Variants in CACNA1E observed in about 807,000 individuals in gnomAD.
CACNA1E encodes the protein voltage-dependent R-type calcium channel subunit alpha-1E.
A neutral mutation model predicts 259.2 loss-of-function variants in CACNA1E; 40 were observed. The observed-to-expected ratio is 0.15, with a 90% CI of 0.12 to 0.20. The LOEUF (loss-of-function observed/expected upper bound fraction) is 0.20, where lower values mean the gene tolerates loss of function less well. Ranked by LOEUF, CACNA1E falls within the 10% of genes least tolerant of loss-of-function variation. The pLI is 1.00. For missense variants in CACNA1E, 1,874 were observed against 3,040.1 expected (o/e 0.62, Z 9.02); for synonymous variants, 1,104 against 1,138.5 (o/e 0.97, Z 0.61).
chr1:181,375,716 G>C (rs1422654120), intron 1 of CACNA1E, among the ~76,000 whole-genome samples: 1 of 152,142 alleles, frequency 6.6e-6, no homozygotes, highest in Non-Finnish European at 1.5e-5. Flanking sequence ...GTAAGCAATG[G>C]CAAGCAATGG....
chr1:181,506,782 G>A lies in CACNA1E; in HGVS notation c.267-3695G>A, dbSNP rs60531235. Among the ~76,000 whole-genome samples, 314 of 152,304 alleles carry A rather than the reference G, an allele frequency of 2.1e-3. 2 individuals carry two copies. Among genetic ancestry groups the A allele is most frequent in the African/African-American group, 6.7e-3 (278 of 41,558 alleles). ...TTGTGCTTTCTTCAGAAAGGGAAGTGGAAAAGAGTTTAAAGAACAGGGCTG... is the reference window on the plus strand; with the variant it reads ...TTGTGCTTTCTTCAGAAAGGGAAGTAGAAAAGAGTTTAAAGAACAGGGCTG... On this transcript the variant is annotated intron_variant, in intron 1 of 47. Transcript: ENST00000367573.
intron 32 of CACNA1E, among the ~76,000 whole-genome samples, chr1:181,761,754 G>A (rs1658600833): frequency 6.6e-6 from 1 of 152,144 alleles, no homozygotes; most frequent in Non-Finnish European, 1.5e-5. Flanking sequence ...GTTTTTAAAG[G>A]AACATAGTCT....
At chr1:181,750,613 A>C in intron 26 of CACNA1E, 126 bp downstream of exon 26, 1 of 842,488 alleles carries the variant, frequency 1.2e-6, no homozygotes, top group Non-Finnish European at 1.9e-6. Context: ...ATTTATATCC[A>C]AGGGATCAAA....
intron 1 of CACNA1E, among the ~76,000 whole-genome samples, chr1:181,356,078 G>A (rs939505269): frequency 2.0e-4 from 30 of 152,106 alleles, no homozygotes; most frequent in African/African-American, 6.7e-4. Flanking sequence ...CCCCTCCCAG[G>A]GTTCACAGCC....
At position 181,796,771 on chromosome 1, in the gene CACNA1E, G is replaced by C. The variant is rs1474095209; in HGVS notation, c.6312G>C (p.Glu2104Asp). 1.2e-6 allele frequency: 2 copies of C among 1,612,948 alleles called. No individual in the cohort carries two copies. The highest frequency in any genetic ancestry group is 2.7e-5 in the African/African-American group (2 of 74,918). ...SPDVSRCNSEERGTQADWESP... is the reference protein window; with the variant it reads ...SPDVSRCNSEDRGTQADWESP... ...ATGTCTCCCGCTGCAATTCAGAAGAGCGAGGGACCCAGGCTGACTGGGAGT... is the reference window on the plus strand; with the variant it reads ...ATGTCTCCCGCTGCAATTCAGAAGACCGAGGGACCCAGGCTGACTGGGAGT... Residue 2104 changes from glutamate to aspartate, a missense_variant, in exon 47 of 48, where the codon GAG becomes GAC. This residue lies in a region of CACNA1E where 542 missense variants were observed against 587.2 expected (regional missense o/e 0.92). Transcript: ENST00000367573.
intron 2 of CACNA1E, among the ~76,000 whole-genome samples, chr1:181,438,134 G>T (rs994726272): frequency 1.3e-5 from 2 of 152,132 alleles, no homozygotes; most frequent in Non-Finnish European, 2.9e-5. Context: ...ACTCCCTTGG[G>T]GTGCTGTCAC....
intron 3 of CACNA1E, among the ~76,000 whole-genome samples, chr1:181,541,481 G>C (rs1040935135): frequency 6.6e-6 from 1 of 152,066 alleles, no homozygotes; most frequent in Non-Finnish European, 1.5e-5. Flanking sequence ...TTTGCAGTTT[G>C]ATGGTAACAG....
chr1:181,719,647 T>C, intron 12 of CACNA1E, 104 bp from the exon 13 acceptor site: 1 of 568,674 alleles, frequency 1.8e-6, no homozygotes, highest in Admixed American at 3.3e-5. Flanking sequence ...GAGTTTTTAT[T>C]TCCCCATCCC....
At chr1:181,625,182 T>C (rs1229368956) in intron 6 of CACNA1E, among the ~76,000 whole-genome samples, 1 of 151,648 alleles carries the variant, frequency 6.6e-6, no homozygotes, top group Non-Finnish European at 1.5e-5. Context: ...AGAGTAGATT[T>C]AGCATAACTC....
Position 181,717,259 on chromosome 1 carries a change from C to T in CACNA1E, c.1482C>T (p.Ala494=). 6.2e-7 allele frequency: 1 copy of T among 1,613,944 alleles called. No homozygotes were observed. The highest frequency in any genetic ancestry group is 8.5e-7 in the Non-Finnish European group (1 of 1,179,876). ...TGGCACTCAACACTGCCTGTGTGGC[C>T]ATTGTCCATCACAACCAGCCCCAGT... ...SLVALNTACV[A]IVHHNQPQWL... Residue 494 remains alanine (A), a synonymous_variant, in exon 11 of 48, where the codon GCC becomes GCT. Transcript: ENST00000367573.
intron 2 of CACNA1E, among the ~76,000 whole-genome samples, chr1:181,414,726 A>C (rs1028471202): frequency 1.3e-5 from 2 of 152,220 alleles, no homozygotes; most frequent in Non-Finnish European, 2.9e-5. Context: ...GCCACATGTA[A>C]CCAATGAGGC....
intron 1 of CACNA1E, among the ~76,000 whole-genome samples, chr1:181,391,955 G>C (rs1018159118): frequency 2.0e-5 from 3 of 149,134 alleles, no homozygotes; most frequent in African/African-American, 4.9e-5. Context: ...CTGTGTGTGT[G>C]TGTGTGTGTG....
At chr1:181,508,489 A>T (rs1206815513) in intron 1 of CACNA1E, among the ~76,000 whole-genome samples, 1 of 152,154 alleles carries the variant, frequency 6.6e-6, no homozygotes, top group Non-Finnish European at 1.5e-5. Flanking sequence ...AATTTGCAGG[A>T]TGAGTCTGGG....
chr1:181,552,216 G>T (rs777184350), intron 3 of CACNA1E, among the ~76,000 whole-genome samples: 3 of 152,158 alleles, frequency 2.0e-5, no homozygotes, highest in Admixed American at 6.6e-5. Flanking sequence ...AGATGATTTT[G>T]TAGCCCCCTC....
chr1:181,392,358 T>A (rs1656360976), intron 1 of CACNA1E, among the ~76,000 whole-genome samples: 1 of 152,190 alleles, frequency 6.6e-6, no homozygotes, highest in Non-Finnish European at 1.5e-5. Flanking sequence ...CAGGAAGCCT[T>A]CCTGGTTTCC....
intron 1 of CACNA1E, among the ~76,000 whole-genome samples, chr1:181,503,996 G>A (rs1015810761): frequency 1.1e-4 from 16 of 152,148 alleles, no homozygotes; most frequent in African/African-American, 3.9e-4. Flanking sequence ...ATGCTAATAG[G>A]GAATCACAGA....
At chr1:181,628,026 C>T (rs554918475) in intron 6 of CACNA1E, among the ~76,000 whole-genome samples, 16 of 151,884 alleles carry the variant, frequency 1.1e-4, no homozygotes, top group South Asian at 4.2e-4. Context: ...TTTTTAAAAG[C>T]GAAAAAAATC....
chr1:181,709,191 T>A (rs569838887), intron 7 of CACNA1E, among the ~76,000 whole-genome samples: 1 of 152,334 alleles, frequency 6.6e-6, no homozygotes, highest in South Asian at 2.1e-4. Flanking sequence ...AGCCAGCCCC[T>A]TGTTACTTTC....
At chr1:181,749,949 T>C (rs1657443479) in intron 25 of CACNA1E, among the ~76,000 whole-genome samples, 1 of 150,726 alleles carries the variant, frequency 6.6e-6, no homozygotes, top group Non-Finnish European at 1.5e-5. Context: ...AGTGAGTCTC[T>C]CTCTGAGTGG....
Sources: gnomAD v4.1 joint callset for allele counts (sites outside exome capture counted in the v4.1 genomes callset) on GRCh38, gnomAD v4.1.1 for gene constraint, gnomAD v4.1.1 regional missense constraint, MANE v1.5 for transcripts, NCBI Gene and HGNC (gene_info 2026-07-23, HGNC 2026-07-21) for gene names.